Variants in GBE1 observed in about 807,000 individuals in gnomAD.
GBE1 encodes the protein 1,4-alpha-glucan branching enzyme 1, also known as 1,4-alpha-glucan-branching enzyme.
In GBE1, 70 loss-of-function variants were observed where a neutral mutation model predicts 88.8. The observed-to-expected ratio is 0.79, with a 90% CI of 0.65 to 0.96. The LOEUF (loss-of-function observed/expected upper bound fraction) is 0.96, where lower values mean the gene tolerates loss of function less well. Ranked by LOEUF, GBE1 falls within the 40% of genes least tolerant of loss-of-function variation. The pLI, the probability that GBE1 is intolerant of heterozygous loss-of-function variation, is 0.00. For missense variants in GBE1, 872 were observed against 871.0 expected (o/e 1.00, Z -0.01); for synonymous variants, 284 against 300.1 (o/e 0.95, Z 0.56).
chr3:81,511,566 C>G (rs1056216099), intron 14 of GBE1, among the ~76,000 whole-genome samples: 4 of 151,764 alleles, frequency 2.6e-5, no homozygotes, highest in African/African-American at 7.2e-5. Flanking sequence ...CAAGCGTTCA[C>G]CAAACACATG....
At position 81,664,577 on chromosome 3, in the gene GBE1, A is replaced by G. The variant is rs1002834735; in HGVS notation, c.429+6261T>C. Among the ~76,000 whole-genome samples, 4 of 152,204 alleles carry G rather than the reference A, an allele frequency of 2.6e-5. No individual in the cohort carries two copies. In the East Asian group the frequency reaches 7.7e-4, roughly 29 times the overall value. On this transcript the variant is annotated intron_variant, in intron 3 of 15. Coordinates refer to ENST00000429644, the MANE Select transcript of GBE1 (RefSeq NM_000158.4). ...AACCAACAAAATTTCTTCAGATGTT[A>G]AAATTATTTTTATATAATAACTCAT... is the stretch of plus-strand genomic sequence containing the variant.
chr3:81,501,585 T>C (rs1204868616), intron 14 of GBE1, among the ~76,000 whole-genome samples: 1 of 152,032 alleles, frequency 6.6e-6, no homozygotes, highest in Non-Finnish European at 1.5e-5. Flanking sequence ...CTATGAACAC[T>C]TTCATTTTAG....
chr3:81,704,494 C>G (rs1401858388), intron 2 of GBE1, among the ~76,000 whole-genome samples: 1 of 151,938 alleles, frequency 6.6e-6, no homozygotes, highest in Non-Finnish European at 1.5e-5. Flanking sequence ...CAACCTTTAC[C>G]CACCACCCCA....
chr3:81,742,826 C>T (rs1706366489), intron 1 of GBE1, among the ~76,000 whole-genome samples: 1 of 152,126 alleles, frequency 6.6e-6, no homozygotes, highest in Non-Finnish European at 1.5e-5. Flanking sequence ...CAATCTTCTT[C>T]ATGAGTAGTA....
chr3:81,688,425 ACTAAAAGAAATTTTCAC>A lies in GBE1; in HGVS notation c.313+17002_313+17018del, dbSNP rs566058179. ...CAGAATAAGTACTCAACAAGGATTT[ACTAAAAGAAATTTTCAC>A]CTTTTTATGCCAAATGAAGATGATA... is the stretch of plus-strand genomic sequence containing the variant. On this transcript the variant is annotated intron_variant, in intron 2 of 15. Transcript: ENST00000429644. Among the ~76,000 whole-genome samples, 105 of 152,374 alleles carry A rather than the reference ACTAAAAGAAATTTTCAC, an allele frequency of 6.9e-4. 1 individual carries two copies. The South Asian group carries it at 0.021, about 31-fold the overall frequency.
chr3:81,593,149 G>C (rs991966494), intron 8 of GBE1, among the ~76,000 whole-genome samples: 1 of 151,892 alleles, frequency 6.6e-6, no homozygotes, highest in Non-Finnish European at 1.5e-5. Flanking sequence ...GATCACCTGA[G>C]GTCAGGAGTT....
At chr3:81,522,703 T>C (rs1702892190) in intron 14 of GBE1, among the ~76,000 whole-genome samples, 1 of 151,644 alleles carries the variant, frequency 6.6e-6, no homozygotes, top group South Asian at 2.1e-4. Flanking sequence ...TTACTACTTG[T>C]TAACAGAAAG....
intron 9 of GBE1, among the ~76,000 whole-genome samples, chr3:81,587,011 C>T (rs987789665): frequency 1.3e-5 from 2 of 151,840 alleles, no homozygotes; most frequent in Non-Finnish European, 2.9e-5. Flanking sequence ...AGGCTGTTCT[C>T]GAACTCCTGA....
Position 81,720,778 on chromosome 3 carries a change from A to T in GBE1, c.144-15165T>A, listed in dbSNP as rs192441927. ...TATGTTTATTGCGGCACTATTCACAATAGCAAAGACTTGGAACCAACCCAA... is the reference window on the plus strand; with the variant it reads ...TATGTTTATTGCGGCACTATTCACATTAGCAAAGACTTGGAACCAACCCAA... On this transcript the variant is annotated intron_variant, in intron 1 of 15. Coordinates refer to ENST00000429644, the MANE Select transcript of GBE1 (RefSeq NM_000158.4). 1.8e-3 allele frequency among the ~76,000 whole-genome samples: 271 copies of T among 151,760 alleles called. 5 individuals are homozygous for T. The South Asian group carries it at 0.033, about 19-fold the overall frequency.
intron 3 of GBE1, among the ~76,000 whole-genome samples, chr3:81,655,412 A>C (rs1169378669): frequency 6.6e-6 from 1 of 152,228 alleles, no homozygotes; most frequent in Admixed American, 6.5e-5. Flanking sequence ...AAAGTAATCA[A>C]AAATTTGTAA....
At chr3:81,625,213 A>G (rs958516349) in intron 7 of GBE1, among the ~76,000 whole-genome samples, 1 of 152,138 alleles carries the variant, frequency 6.6e-6, no homozygotes, top group Admixed American at 6.5e-5. Flanking sequence ...GGTCTTTATC[A>G]GTTAAGAGAA....
chr3:81,542,449 C>T (rs545448839), intron 12 of GBE1, among the ~76,000 whole-genome samples: 1 of 152,068 alleles, frequency 6.6e-6, no homozygotes, highest in Non-Finnish European at 1.5e-5. Context: ...GTTTTGAACA[C>T]TGCTCATGAT....
At chr3:81,629,549 A>T (rs1457026872) in intron 7 of GBE1, among the ~76,000 whole-genome samples, 2 of 152,154 alleles carry the variant, frequency 1.3e-5, no homozygotes, top group Non-Finnish European at 2.9e-5. Flanking sequence ...CAATAAATGG[A>T]TGTAGATTTA....
At chr3:81,535,596 GT>G (rs1272680004) in intron 13 of GBE1, among the ~76,000 whole-genome samples, 1 of 151,932 alleles carries the variant, frequency 6.6e-6, no homozygotes, top group Admixed American at 6.6e-5. Flanking sequence ...CAGGTTTTAA[GT>G]AAAACCATGG....
At chr3:81,738,311 C>G (rs1185308530) in intron 1 of GBE1, among the ~76,000 whole-genome samples, 3 of 150,400 alleles carry the variant, frequency 2.0e-5, no homozygotes, top group Non-Finnish European at 4.4e-5. Context: ...AGTTCTAGAT[C>G]CCTGAGGAAT....
At chr3:81,597,674 T>C (rs1384553031) in intron 7 of GBE1, among the ~76,000 whole-genome samples, 1 of 147,628 alleles carries the variant, frequency 6.8e-6, no homozygotes, top group Non-Finnish European at 1.5e-5. Flanking sequence ...AAACAAAATC[T>C]GTAATATCCA....
chr3:81,614,197 C>A (rs1704218643), intron 7 of GBE1, among the ~76,000 whole-genome samples: 1 of 152,064 alleles, frequency 6.6e-6, no homozygotes, highest in African/African-American at 2.4e-5. Context: ...ACTTTTAAAG[C>A]ATCTATCTCA....
chr3:81,761,350 G>A lies in GBE1; in HGVS notation c.143+25C>T, dbSNP rs28763905. 2,029 of 1,596,488 alleles carry A rather than the reference G, an allele frequency of 1.3e-3. 16 individuals are homozygous for A. Among genetic ancestry groups the A allele is most frequent in the African/African-American group, 0.011 (811 of 73,692 alleles). ...TGGGAGGCGGGCTGCCTGTCTAAGTGGGGGTGGTGGGATTCCGGCGGTACC... is the reference window on the plus strand; with the variant it reads ...TGGGAGGCGGGCTGCCTGTCTAAGTAGGGGTGGTGGGATTCCGGCGGTACC... On this transcript the variant is annotated intron_variant, in intron 1 of 15. Coordinates refer to ENST00000429644, the MANE Select transcript of GBE1 (RefSeq NM_000158.4).
Position 81,499,198 on chromosome 3 carries a change from G to A in GBE1, c.1964C>T (p.Ala655Val), listed in dbSNP as rs377105672. 89 of 1,609,880 alleles carry A rather than the reference G, an allele frequency of 5.5e-5. No homozygotes were observed. Among genetic ancestry groups the A allele is most frequent in the Admixed American group, 2.0e-4 (12 of 59,720 alleles). The change falls in exon 15 of 16, where the codon GCG (alanine) becomes GTG (valine). Residue 655 changes from alanine to valine, a missense_variant. Transcript: ENST00000429644. ...KFKIVLDSDA[A>V]EYGGHQRLDH... ...CAGTCTCTGATGCCCTCCATATTCC[G>A]CTGCATCTGAATCTAGCACAATTTT...
Sources: allele counts gnomAD v4.1 joint callset (sites outside exome capture counted in the v4.1 genomes callset), GRCh38; gene constraint gnomAD v4.1.1; transcripts MANE v1.5; gene names NCBI Gene and HGNC (gene_info 2026-07-23, HGNC 2026-07-21).